Variants in CACNA1H observed in about 807,000 individuals in gnomAD.
CACNA1H encodes the protein calcium voltage-gated channel subunit alpha1 H.
Under a neutral mutation model 192.5 loss-of-function variants are expected in CACNA1H, and 149 were observed. The ratio of observed to expected loss-of-function variants is 0.77; its 90% CI spans 0.68 to 0.89. The LOEUF is 0.89. CACNA1H is among the 40% of genes least tolerant of loss of function. The pLI is 0.00. For missense variants in CACNA1H, 4,257 were observed against 3,423.5 expected, an observed-to-expected ratio of 1.24 and a Z score of -6.08; for synonymous variants, 2,202 against 1,475.2, an observed-to-expected ratio of 1.49 and a Z score of -11.29.
intron 2 of CACNA1H, among the ~76,000 whole-genome samples, chr16:1,177,270 C>T (rs776694545): frequency 6.6e-6 from 1 of 152,234 alleles, no homozygotes; most frequent in African/African-American, 2.4e-5. Context: ...CCGATCCCCT[C>T]CAGGGCCGGG....
chr16:1,220,512 G>T lies in CACNA1H; in HGVS notation c.6580G>T (p.Val2194Leu). ...GAAGATGAGCCCCCCCTGCATCTCG[G>T]TGGAACCCCCTGCGGAGGACGAGGG... ...KKKMSPPCIS[V>L]EPPAEDEGSA... The change falls in exon 35 of 35, where the codon GTG (valine) becomes TTG (leucine). Residue 2194 changes from valine (V) to leucine (L), a missense_variant. By Grantham distance (32) the Val-to-Leu change is conservative. Coordinates refer to ENST00000348261, the MANE Select transcript of CACNA1H (RefSeq NM_021098.3). The T allele has an allele frequency of 6.5e-7, 1 of 1,540,450 alleles. No homozygotes were observed. Among genetic ancestry groups the T allele is most frequent in the Non-Finnish European group, 8.7e-7 (1 of 1,152,164 alleles).
intron 11 of CACNA1H, 126 bp downstream of exon 11, chr16:1,205,391 G>A (rs1028474561): frequency 1.7e-5 from 18 of 1,063,998 alleles, no homozygotes; most frequent in African/African-American, 1.1e-4. Flanking sequence ...ATGACAGGCC[G>A]TGGGAAGCAG....
rs781343756 is a variant in CACNA1H, at chr16:1,204,247, G to A, written c.2240G>A (p.Arg747His). The change falls in exon 10 of 35, where the codon CGT (arginine) becomes CAT (histidine). Residue 747 changes from arginine (R) to histidine (H), a missense_variant. Physicochemically the swap from Arg to His is conservative, Grantham distance 29. Transcript: ENST00000348261. ...CGCTGGGACCCCACGCGACCACCCC[G>A]TGCGACGGACACACCAGGCCCAGGC... is the stretch of plus-strand genomic sequence containing the variant. ...GDRWDPTRPP[R>H]ATDTPGPGPG... The A allele has an allele frequency of 1.9e-5, 30 of 1,610,272 alleles. No homozygotes were observed. The highest frequency in any genetic ancestry group is 1.0e-4 in the Admixed American group (6 of 59,766).
intron 2 of CACNA1H, chr16:1,157,317 G>T (rs562853660): frequency 4.6e-5 from 7 of 152,234 alleles, no homozygotes; most frequent in African/African-American, 1.4e-4. Flanking sequence ...CAAACACCCC[G>T]TGTCACGGAG....
chr16:1,168,048 G>A (rs537812715), intron 2 of CACNA1H, among the ~76,000 whole-genome samples: 129 of 152,304 alleles, frequency 8.5e-4, no homozygotes, highest in Non-Finnish European at 1.6e-3. Flanking sequence ...TTTGTAAGGA[G>A]CCGCTGTGCC....
chr16:1,198,992 C>G, intron 6 of CACNA1H: 1 of 563,328 alleles, frequency 1.8e-6, no homozygotes, highest in Non-Finnish European at 3.2e-6. Context: ...CCCCACATGG[C>G]TCCGCCCACG....
Position 1,218,652 on chromosome 16 carries a change from G to T in CACNA1H, c.5887+1G>T. On this transcript the variant is annotated splice_donor_variant, in intron 33 of 34. Coordinates refer to ENST00000348261, the MANE Select transcript of CACNA1H (RefSeq NM_021098.3). LOFTEE classifies it high-confidence loss of function. Reference sequence around the variant, plus strand: ...ACCTATGGGGCCGGCACCCCCTTGGGTATGGTAGCCAGCAGGAAGATATGG... The same window carrying T: ...ACCTATGGGGCCGGCACCCCCTTGGTTATGGTAGCCAGCAGGAAGATATGG... The T allele has an allele frequency of 1.3e-6, 2 of 1,504,730 alleles. No homozygotes were observed. The highest frequency in any genetic ancestry group is 8.9e-7 in the Non-Finnish European group (1 of 1,120,942). 93.2% of individuals were successfully genotyped at this position (1,504,730 alleles called of 1,614,324 possible).
At chr16:1,164,823 C>T (rs932365832) in intron 2 of CACNA1H, among the ~76,000 whole-genome samples, 1 of 152,138 alleles carries the variant, frequency 6.6e-6, no homozygotes, top group South Asian at 2.1e-4. Flanking sequence ...GGGTGGAGGG[C>T]GGCTGTCCAC....
At chr16:1,213,552 C>G (rs1278702071) in intron 26 of CACNA1H, among the ~76,000 whole-genome samples, 1 of 152,092 alleles carries the variant, frequency 6.6e-6, no homozygotes, top group East Asian at 1.9e-4. Flanking sequence ...AGCCAGCTCC[C>G]CAGGGAGCTG....
rs533671250 is a variant in CACNA1H, at chr16:1,161,144, C to T, written c.299+7108C>T. Among the ~76,000 whole-genome samples, 33 of 152,366 alleles carry T rather than the reference C, an allele frequency of 2.2e-4. 2 individuals carry two copies. In the South Asian group the frequency reaches 6.4e-3, roughly 30 times the overall value. On this transcript the variant is annotated intron_variant, in intron 2 of 34. Transcript: ENST00000348261. ...AAGGCCTTGAGCGAGACCTCAGCGT[C>T]TGCTGGCCCTGCTGGACTCGTCTGA...
At chr16:1,214,934 C>CCAGCCCCACCT (rs753821292) in intron 27 of CACNA1H, 38 bp from the exon 28 acceptor site, 4 of 1,466,616 alleles carry the variant, frequency 2.7e-6, no homozygotes, top group East Asian at 2.4e-5. Flanking sequence ...AGGGGTGGCC[C>CCAGCCCCACCT]CAGCCCCACC....
rs1425414631 is a variant in CACNA1H, at chr16:1,153,161, A to G, written c.-328A>G. On this transcript the variant is annotated 5_prime_UTR_variant, in exon 1 of 35. Coordinates refer to ENST00000348261, the MANE Select transcript of CACNA1H (RefSeq NM_021098.3). ...GGGCTCGAGGCTCGCTCGCTGCCTC[A>G]CCGGTCCCCGGCCCGCGCCCCGCGC... is the stretch of plus-strand genomic sequence containing the variant. 1.4e-5 allele frequency: 2 copies of G among 139,376 alleles called. No homozygotes were observed. Among genetic ancestry groups the G allele is most frequent in the Admixed American group, 7.0e-5 (1 of 14,218 alleles). 8.6% of individuals were successfully genotyped at this position (139,376 alleles called of 1,614,324 possible). A position where few individuals can be genotyped will look rare whatever the true frequency, so the allele number is the denominator to read the frequency against.
intron 2 of CACNA1H, among the ~76,000 whole-genome samples, chr16:1,188,988 C>T (rs1359115121): frequency 6.6e-6 from 1 of 152,210 alleles, no homozygotes; most frequent in Admixed American, 6.5e-5. Flanking sequence ...GGAGGGCCCC[C>T]CCAGGTCCTG....
chr16:1,213,985 C>T (rs777833691), intron 27 of CACNA1H, 54 bp downstream of exon 27: 76 of 1,473,088 alleles, frequency 5.2e-5, no homozygotes, highest in Non-Finnish European at 6.9e-5. Flanking sequence ...CCCAGTGGGG[C>T]AGCCAACACA....
intron 28 of CACNA1H, 32 bp downstream of exon 28, chr16:1,215,113 G>A (rs549808330): frequency 6.3e-7 from 1 of 1,591,048 alleles, no homozygotes; most frequent in Non-Finnish European, 8.6e-7. Context: ...TGGGTTCTGG[G>A]GGCCCCTCAG....
intron 29 of CACNA1H, 21 bp from the exon 30 acceptor site, chr16:1,215,502 A>G: frequency 6.2e-7 from 1 of 1,608,898 alleles, no homozygotes. Context: ...AGCCCTGCTG[A>G]CGCTCAGCTC....
In CACNA1H at chr16:1,218,055, C is replaced by A. The variant is rs991063306; in HGVS notation, c.5445+15C>A. 1.3e-6 allele frequency: 2 copies of A among 1,594,628 alleles called. No homozygotes were observed. The highest frequency in any genetic ancestry group is 1.7e-6 in the Non-Finnish European group (2 of 1,170,104). On this transcript the variant is annotated intron_variant, in intron 32 of 34. Coordinates refer to ENST00000348261, the MANE Select transcript of CACNA1H (RefSeq NM_021098.3). ...GGATCATGAAGGTACCCGCCGCGGC[C>A]ATGCCTCTGGCACCTGGCAGCCCCA...
chr16:1,217,269 C>T (rs990431050), intron 31 of CACNA1H, among the ~76,000 whole-genome samples: 4 of 152,246 alleles, frequency 2.6e-5, no homozygotes, highest in South Asian at 2.1e-4. Flanking sequence ...CACAGGGATG[C>T]CTGCCACACG....
intron 2 of CACNA1H, among the ~76,000 whole-genome samples, chr16:1,174,921 A>T (rs1404905599): frequency 9.2e-6 from 1 of 108,552 alleles, no homozygotes; most frequent in African/African-American, 3.6e-5. Flanking sequence ...CCGCACCTTC[A>T]CCCCCAACCC....
Sources: allele counts gnomAD v4.1 joint callset (sites outside exome capture counted in the v4.1 genomes callset), GRCh38; gene constraint gnomAD v4.1.1; transcripts MANE v1.5; gene names NCBI Gene and HGNC (gene_info 2026-07-23, HGNC 2026-07-21).